The following TMEM178B variants were observed in gnomAD, a reference collection of about 807,000 sequenced individuals.
TMEM178B encodes the protein transmembrane protein 178B.
Under a neutral mutation model 31.0 loss-of-function variants are expected in TMEM178B, and 5 were observed. That is an observed-to-expected ratio of 0.16 (90% CI 0.08 to 0.34). The LOEUF (loss-of-function observed/expected upper bound fraction) is 0.34. TMEM178B is among the 10% of genes least tolerant of loss of function. The pLI, the probability that TMEM178B is intolerant of heterozygous loss-of-function variation, is 1.00. For missense variants in TMEM178B, 275 were observed against 400.3 expected (o/e 0.69, Z 2.67); for synonymous variants, 164 against 164.0 (o/e 1.00, Z 0.00).
intron 1 of TMEM178B, among the ~76,000 whole-genome samples, chr7:141,119,435 G>C (rs770068786): frequency 1.3e-5 from 2 of 152,146 alleles, no homozygotes; most frequent in Non-Finnish European, 2.9e-5. Context: ...GAACACTGAT[G>C]TGGGCTACTG....
At chr7:141,214,074 G>A (rs943570281) in intron 2 of TMEM178B, among the ~76,000 whole-genome samples, 1 of 152,100 alleles carries the variant, frequency 6.6e-6, no homozygotes, top group Non-Finnish European at 1.5e-5. Context: ...TAGTCATCAG[G>A]GTTATTAATT....
chr7:141,488,845 T>G, the TMEM178B span, among the ~76,000 whole-genome samples: 1 of 150,652 alleles, frequency 6.6e-6, no homozygotes. Context: ...AAGATGTCAG[T>G]TTATCTGCAC....
intron 2 of TMEM178B, among the ~76,000 whole-genome samples, chr7:141,370,067 C>T: frequency 6.6e-6 from 1 of 152,144 alleles, no homozygotes; most frequent in South Asian, 2.1e-4. Flanking sequence ...GGGGGGCCTG[C>T]CCCAGGTAGG....
chr7:141,243,884 C>G (rs1298021490), intron 2 of TMEM178B, among the ~76,000 whole-genome samples: 1 of 152,174 alleles, frequency 6.6e-6, no homozygotes, highest in Non-Finnish European at 1.5e-5. Context: ...CTTGACCTGT[C>G]AAGACCCAAA....
intron 1 of TMEM178B, among the ~76,000 whole-genome samples, chr7:141,094,438 A>T (rs116589368): frequency 1.3e-5 from 2 of 152,132 alleles, no homozygotes; most frequent in African/African-American, 4.8e-5. Context: ...ACCTTACTCT[A>T]TTCTATTTGG....
intron 1 of TMEM178B, among the ~76,000 whole-genome samples, chr7:141,081,763 G>C (rs1443144882): frequency 3.9e-5 from 6 of 152,134 alleles, no homozygotes; most frequent in Non-Finnish European, 8.8e-5. Context: ...AAAATATTTT[G>C]TATAGTTTGG....
intron 2 of TMEM178B, among the ~76,000 whole-genome samples, chr7:141,421,398 T>C (rs1237988621): frequency 6.6e-6 from 1 of 152,206 alleles, no homozygotes; most frequent in Non-Finnish European, 1.5e-5. Flanking sequence ...CTCTGCCTCG[T>C]AGCATGGCAG....
intron 2 of TMEM178B, among the ~76,000 whole-genome samples, chr7:141,234,522 C>T (rs182412459): frequency 1.1e-4 from 16 of 152,270 alleles, no homozygotes; most frequent in Admixed American, 8.5e-4. Context: ...GAGATGGATG[C>T]TGCTTAAAAC....
At chr7:141,454,314 C>T (rs1471840126) in intron 3 of TMEM178B, among the ~76,000 whole-genome samples, 1 of 152,174 alleles carries the variant, frequency 6.6e-6, no homozygotes, top group Non-Finnish European at 1.5e-5. Context: ...CTTCTCTCCT[C>T]TCTTTAGGAG....
At chr7:141,296,643 A>C (rs1429853500) in intron 2 of TMEM178B, among the ~76,000 whole-genome samples, 1 of 152,152 alleles carries the variant, frequency 6.6e-6, no homozygotes, top group East Asian at 1.9e-4. Flanking sequence ...TCTTATTTTG[A>C]GATAATTTTA....
At chr7:141,447,626 T>A (rs1801784524) in intron 3 of TMEM178B, among the ~76,000 whole-genome samples, 1 of 152,080 alleles carries the variant, frequency 6.6e-6, no homozygotes, top group African/African-American at 2.4e-5. Context: ...CCGTGTGACT[T>A]TTATCAACCT....
chr7:141,115,124 C>A (rs181778893), intron 1 of TMEM178B, among the ~76,000 whole-genome samples: 1 of 152,184 alleles, frequency 6.6e-6, no homozygotes, highest in Admixed American at 6.5e-5. Flanking sequence ...CTCACTGCAA[C>A]CTCCGCCTCC....
intron 2 of TMEM178B, among the ~76,000 whole-genome samples, chr7:141,289,880 A>G (rs1267110419): frequency 3.3e-5 from 5 of 152,056 alleles, no homozygotes; most frequent in African/African-American, 1.2e-4. Flanking sequence ...CATGCCTATA[A>G]TCCCAGTGCT....
At chr7:141,254,086 C>G (rs934581725) in intron 2 of TMEM178B, among the ~76,000 whole-genome samples, 1 of 152,178 alleles carries the variant, frequency 6.6e-6, no homozygotes, top group Admixed American at 6.5e-5. Context: ...TGCCTGGACT[C>G]TGATAGTAAA....
chr7:141,394,313 C>T (rs985896625), intron 2 of TMEM178B, among the ~76,000 whole-genome samples: 1 of 152,168 alleles, frequency 6.6e-6, no homozygotes, highest in African/African-American at 2.4e-5. Flanking sequence ...AGGCTTTGGG[C>T]CTAAAAGGGT....
At chr7:141,404,788 G>A (rs1339652124) in intron 2 of TMEM178B, among the ~76,000 whole-genome samples, 1 of 152,186 alleles carries the variant, frequency 6.6e-6, no homozygotes, top group East Asian at 1.9e-4. Flanking sequence ...TAAGGAAATT[G>A]GGGCTCAGAG....
At chr7:141,263,917 T>G (rs1798054997) in intron 2 of TMEM178B, among the ~76,000 whole-genome samples, 1 of 152,172 alleles carries the variant, frequency 6.6e-6, no homozygotes, top group South Asian at 2.1e-4. Context: ...TAATACAGAT[T>G]AAAATTAGCC....
intron 2 of TMEM178B, among the ~76,000 whole-genome samples, chr7:141,250,064 T>A (rs572856783): frequency 7.9e-5 from 12 of 152,214 alleles, no homozygotes; most frequent in Non-Finnish European, 1.8e-4. Context: ...CTATTGGTAA[T>A]AATAAAAATA....
intron 1 of TMEM178B, among the ~76,000 whole-genome samples, chr7:141,141,921 TA>T (rs1292322303): frequency 1.3e-5 from 2 of 152,230 alleles, no homozygotes; most frequent in African/African-American, 4.8e-5. Context: ...CTAGGCAACT[TA>T]AAAAATAATT....
Sources: gnomAD v4.1 joint callset for allele counts (sites outside exome capture counted in the v4.1 genomes callset) on GRCh38, gnomAD v4.1.1 for gene constraint, MANE v1.5 for transcripts, NCBI Gene and HGNC (gene_info 2026-07-23, HGNC 2026-07-21) for gene names.